The following ABLIM1 variants were observed in gnomAD, a reference collection of about 807,000 sequenced individuals.
ABLIM1 encodes actin binding LIM protein 1.
In ABLIM1, 40 loss-of-function variants were observed where a neutral mutation model predicts 107.0. The observed-to-expected ratio is 0.37, with a 90% CI of 0.29 to 0.49. The LOEUF is 0.49. Ranked by LOEUF, ABLIM1 falls within the 20% of genes least tolerant of loss-of-function variation. The pLI is 0.97. For missense variants in ABLIM1, 857 were observed against 1,008.5 expected, an observed-to-expected ratio of 0.85 and a Z score of 2.04; for synonymous variants, 357 against 357.3, an observed-to-expected ratio of 1.00 and a Z score of 0.01.
At chr10:114,705,577 C>T (rs1191715057) in intron 1 of ABLIM1, among the ~76,000 whole-genome samples, 1 of 152,138 alleles carries the variant, frequency 6.6e-6, no homozygotes, top group Non-Finnish European at 1.5e-5. Flanking sequence ...GATGGGCAAA[C>T]ACAGGAGACT....
chr10:114,785,237 C>A, the ABLIM1 span, among the ~76,000 whole-genome samples: 20 of 152,310 alleles, frequency 1.3e-4, no homozygotes, highest in East Asian at 3.9e-3. Context: ...GATTCTAACT[C>A]CTAGGTGGCT....
chr10:114,656,780 G>A (rs566224835), intron 1 of ABLIM1, among the ~76,000 whole-genome samples: 1 of 152,112 alleles, frequency 6.6e-6, no homozygotes, highest in South Asian at 2.1e-4. Context: ...CTACAACATG[G>A]GTAAACCCTG....
At chr10:114,497,681 C>CAAAAAA (rs576676119) in intron 6 of ABLIM1, among the ~76,000 whole-genome samples, 3 of 75,560 alleles carry the variant, frequency 4.0e-5, no homozygotes, top group African/African-American at 1.5e-4. Flanking sequence ...GATTCTGTCT[C>CAAAAAA]AAAAAAAAAA....
At chr10:114,689,151 G>A (rs868569337), upstream of ABLIM1, among the ~76,000 whole-genome samples, 2 of 152,114 alleles carry the variant, frequency 1.3e-5, no homozygotes, top group Non-Finnish European at 2.9e-5. Flanking sequence ...AGTTTATCAA[G>A]TTCAGGCAGA....
intron 6 of ABLIM1, among the ~76,000 whole-genome samples, chr10:114,530,285 G>A (rs1239282949): frequency 6.6e-6 from 1 of 152,100 alleles, no homozygotes; most frequent in Non-Finnish European, 1.5e-5. Context: ...TCAAGGAGCT[G>A]ATATAAAAGC....
chr10:114,472,656 AG>A (rs1472565212), intron 10 of ABLIM1, among the ~76,000 whole-genome samples: 2 of 152,044 alleles, frequency 1.3e-5, no homozygotes, highest in Non-Finnish European at 2.9e-5. Context: ...CACTAGACTA[AG>A]ACCCCCAGGA....
chr10:114,498,532 G>A (rs950774540), intron 6 of ABLIM1, among the ~76,000 whole-genome samples: 2 of 152,188 alleles, frequency 1.3e-5, no homozygotes, highest in Non-Finnish European at 2.9e-5. Flanking sequence ...ACTGCTGACA[G>A]TCCCTTTTAG....
chr10:114,644,280 C>CAAAAAAA (rs1170954656), intron 1 of ABLIM1, among the ~76,000 whole-genome samples: 21 of 18,642 alleles, frequency 1.1e-3, no homozygotes, highest in Non-Finnish European at 1.1e-3. Context: ...GACTCCATCT[C>CAAAAAAA]AAAAAAAAAA....
chr10:114,465,601 T>C (rs2064983249), intron 12 of ABLIM1, 97 bp downstream of exon 12: 1 of 1,461,784 alleles, frequency 6.8e-7, no homozygotes, highest in Admixed American at 2.0e-5. Flanking sequence ...TGGAAATGTT[T>C]AGTCGTTGAT....
chr10:114,656,708 G>A (rs2079541345), intron 1 of ABLIM1, among the ~76,000 whole-genome samples: 1 of 152,186 alleles, frequency 6.6e-6, no homozygotes, highest in Non-Finnish European at 1.5e-5. Flanking sequence ...GAAACAAATT[G>A]TGGAATATCT....
At chr10:114,736,669 G>A (rs1477046134) in intron 1 of ABLIM1, among the ~76,000 whole-genome samples, 3 of 152,164 alleles carry the variant, frequency 2.0e-5, no homozygotes, top group Non-Finnish European at 4.4e-5. Flanking sequence ...CATATAGAGA[G>A]AAATATTACT....
the ABLIM1 span, chr10:114,778,072 A>G: frequency 6.6e-6 from 1 of 152,358 alleles, no homozygotes; most frequent in East Asian, 1.9e-4. Flanking sequence ...TTCTTTCATA[A>G]AATCAGTCTG....
intron 12 of ABLIM1, among the ~76,000 whole-genome samples, chr10:114,455,812 C>CT (rs11285756): frequency 0.25 from 35,337 of 139,504 alleles, 4,898 homozygotes; most frequent in South Asian, 0.31. Context: ...GAAACTGCAA[C>CT]TTTTTTTTTT....
chr10:114,617,256 C>CTTTTTTTT (rs780987027), intron 1 of ABLIM1, among the ~76,000 whole-genome samples: 8 of 120,470 alleles, frequency 6.6e-5, no homozygotes, highest in Admixed American at 1.7e-4. Flanking sequence ...TCACTACCTA[C>CTTTTTTTT]TTTTTTTTTT....
chr10:114,703,745 A>G (rs1235251360), intron 1 of ABLIM1, among the ~76,000 whole-genome samples: 1 of 152,244 alleles, frequency 6.6e-6, no homozygotes, highest in African/African-American at 2.4e-5. Flanking sequence ...ATGTACTGTG[A>G]GAATAAGATA....
chr10:114,646,447 A>G (rs1441858435), intron 1 of ABLIM1, among the ~76,000 whole-genome samples: 1 of 152,240 alleles, frequency 6.6e-6, no homozygotes, highest in Non-Finnish European at 1.5e-5. Context: ...TATGCGAAGT[A>G]TCACCTTCAA....
chr10:114,436,373 G>T lies in ABLIM1; in HGVS notation c.2224C>A (p.Arg742Ser), dbSNP rs749704369. The change falls in exon 23 of 23, where the codon CGC becomes AGC. Residue 742 changes from arginine to serine, a missense_variant and splice_region_variant. Transcript: ENST00000533213. The stretch of plus-strand genomic sequence containing the variant: ...CGAAACACTTCAGGGGCTAAGTGGC[G>T]CTGGGAAGAAGAAAAAAAAAAAAGA... ...LREVDRTRLE[R>S]HLAPEVFREI... 3 of 1,601,884 alleles carry T rather than the reference G, an allele frequency of 1.9e-6. No homozygotes were observed. Among genetic ancestry groups the T allele is most frequent in the African/African-American group, 1.4e-5 (1 of 73,774 alleles).
chr10:114,561,676 A>G (rs955068569), intron 4 of ABLIM1, among the ~76,000 whole-genome samples: 2 of 152,238 alleles, frequency 1.3e-5, no homozygotes, highest in Non-Finnish European at 2.9e-5. Context: ...AAACATTAAA[A>G]TTAAACTGGG....
intron 1 of ABLIM1, among the ~76,000 whole-genome samples, chr10:114,739,752 T>C (rs540398492): frequency 1.3e-5 from 2 of 152,314 alleles, no homozygotes; most frequent in South Asian, 2.1e-4. Flanking sequence ...CCATTGGATA[T>C]AGCAATTTCC....
Sources: allele counts gnomAD v4.1 joint callset (sites outside exome capture counted in the v4.1 genomes callset), GRCh38; gene constraint gnomAD v4.1.1; transcripts MANE v1.5; gene names NCBI Gene and HGNC (gene_info 2026-07-23, HGNC 2026-07-21).